Variants in PDE1A observed in about 807,000 individuals in gnomAD.
The protein encoded by PDE1A is dual specificity calcium/calmodulin-dependent 3',5'-cyclic nucleotide phosphodiesterase 1A.
PDE1A carries 35 observed loss-of-function variants against 61.7 expected under a neutral mutation model. The observed-to-expected ratio is 0.57, with a 90% CI of 0.43 to 0.75. PDE1A has a LOEUF of 0.75. PDE1A is among the 30% of genes least tolerant of loss of function. The pLI, the probability that PDE1A is intolerant of heterozygous loss-of-function variation, is 0.00. For synonymous variants in PDE1A, 232 were observed against 213.2 expected (o/e 1.09, Z -0.77); for missense variants, 597 against 630.6 (o/e 0.95, Z 0.57).
chr2:182,244,843 A>G (rs1864850), intron 2 of PDE1A, among the ~76,000 whole-genome samples: 109,234 of 152,132 alleles, frequency 0.72, 39,792 homozygotes, highest in African/African-American at 0.84. Context: ...AAAGAAGTGA[A>G]TCTGGGTATG....
intron 1 of PDE1A, among the ~76,000 whole-genome samples, chr2:182,375,099 G>A (rs1391620162): frequency 2.0e-5 from 3 of 152,158 alleles, no homozygotes; most frequent in African/African-American, 4.8e-5. Flanking sequence ...TGGGAATTAT[G>A]GGAGTACAAT....
chr2:182,597,108 T>C, the PDE1A span, among the ~76,000 whole-genome samples: 1 of 151,522 alleles, frequency 6.6e-6, no homozygotes, highest in Non-Finnish European at 1.5e-5. Flanking sequence ...GCCATGATCA[T>C]GCCACTGCAT....
At chr2:182,457,165 TA>T (rs1685980353) in intron 2 of PDE1A, among the ~76,000 whole-genome samples, 1 of 152,016 alleles carries the variant, frequency 6.6e-6, no homozygotes, top group South Asian at 2.1e-4. Context: ...ACTTTCTTAG[TA>T]GAGGAGAAAC....
upstream of PDE1A, among the ~76,000 whole-genome samples, chr2:182,524,182 G>C (rs931882587): frequency 7.2e-5 from 11 of 152,132 alleles, no homozygotes; most frequent in African/African-American, 2.7e-4. Context: ...CTATATTCAT[G>C]TAATAAACTG....
chr2:182,341,017 T>C (rs1478136451), intron 1 of PDE1A, among the ~76,000 whole-genome samples: 1 of 152,240 alleles, frequency 6.6e-6, no homozygotes, highest in Non-Finnish European at 1.5e-5. Context: ...AACTGTTTTC[T>C]AACATGCTCT....
the PDE1A span, among the ~76,000 whole-genome samples, chr2:182,568,474 C>G: frequency 6.6e-6 from 1 of 151,360 alleles, no homozygotes; most frequent in Non-Finnish European, 1.5e-5. Context: ...GACAGGAGAT[C>G]GAGACAGCGG....
At chr2:182,187,303 C>T (rs1685291078) in intron 11 of PDE1A, among the ~76,000 whole-genome samples, 2 of 152,276 alleles carry the variant, frequency 1.3e-5, no homozygotes, top group East Asian at 3.9e-4. Context: ...GAAAATGACA[C>T]ACAGAGAAAA....
chr2:182,271,893 CAAA>C (rs1553562169), intron 1 of PDE1A, among the ~76,000 whole-genome samples: 2 of 143,058 alleles, frequency 1.4e-5, no homozygotes, highest in African/African-American at 5.2e-5. Flanking sequence ...AAGAAACAAA[CAAA>C]AAACTTTGAG....
chr2:182,194,881 TCACACACACACA>T (rs55809632), intron 10 of PDE1A, among the ~76,000 whole-genome samples: 3,321 of 144,930 alleles, frequency 0.023, 134 homozygotes, highest in African/African-American at 0.078. Flanking sequence ...TCTGAAATAT[TCACACACACACA>T]CACACACACA....
At chr2:182,555,585 G>C in the PDE1A span, among the ~76,000 whole-genome samples, 3 of 152,130 alleles carry the variant, frequency 2.0e-5, no homozygotes, top group African/African-American at 7.2e-5. Context: ...TTTACACTGA[G>C]AAAATTTTGC....
chr2:182,493,814 C>A (rs1304988165), intron 2 of PDE1A, among the ~76,000 whole-genome samples: 1 of 152,140 alleles, frequency 6.6e-6, no homozygotes, highest in African/African-American at 2.4e-5. Context: ...TCTCAGCAAA[C>A]TGTTGCAAGG....
At chr2:182,325,577 A>AT (rs1343789479) in intron 1 of PDE1A, among the ~76,000 whole-genome samples, 2 of 152,158 alleles carry the variant, frequency 1.3e-5, no homozygotes, top group African/African-American at 4.8e-5. Flanking sequence ...TTAATAAGAG[A>AT]TTAAGATCCA....
chr2:182,210,122 G>C (rs1249733858), intron 7 of PDE1A, among the ~76,000 whole-genome samples: 1 of 152,190 alleles, frequency 6.6e-6, no homozygotes, highest in Non-Finnish European at 1.5e-5. Flanking sequence ...ATAAGTTTTT[G>C]TGTGAATGTG....
At chr2:182,283,472 A>G (rs569940288) in intron 1 of PDE1A, among the ~76,000 whole-genome samples, 5 of 152,058 alleles carry the variant, frequency 3.3e-5, no homozygotes, top group African/African-American at 1.2e-4. Flanking sequence ...ATTAAATGCT[A>G]TATAACACAA....
chr2:182,211,246 G>A (rs749925075), intron 7 of PDE1A, among the ~76,000 whole-genome samples: 11 of 152,140 alleles, frequency 7.2e-5, no homozygotes, highest in African/African-American at 2.4e-4. Flanking sequence ...ATGTTCAGTC[G>A]TGTTAGCACC....
intron 2 of PDE1A, among the ~76,000 whole-genome samples, chr2:182,515,543 A>G (rs1402682703): frequency 6.6e-6 from 1 of 152,226 alleles, no homozygotes; most frequent in Admixed American, 6.5e-5. Context: ...TGTTAGTTCT[A>G]TAAACTATAA....
At chr2:182,586,538 G>A in the PDE1A span, among the ~76,000 whole-genome samples, 1 of 152,084 alleles carries the variant, frequency 6.6e-6, no homozygotes, top group Non-Finnish European at 1.5e-5. Flanking sequence ...ATGTTACACT[G>A]CACATGGTAT....
the PDE1A span, among the ~76,000 whole-genome samples, chr2:182,597,534 A>T: frequency 6.6e-6 from 1 of 152,106 alleles, no homozygotes; most frequent in Non-Finnish European, 1.5e-5. Context: ...GGGTCCTGAG[A>T]GGTGTGGGGG....
the PDE1A span, among the ~76,000 whole-genome samples, chr2:182,650,708 ACT>A: frequency 1.3e-5 from 2 of 152,218 alleles, no homozygotes; most frequent in Non-Finnish European, 2.9e-5. Flanking sequence ...ACATATTGTA[ACT>A]CTAACTTTTT....
Sources: gnomAD v4.1 joint callset for allele counts (sites outside exome capture counted in the v4.1 genomes callset) on GRCh38, gnomAD v4.1.1 for gene constraint, MANE v1.5 for transcripts, NCBI Gene and HGNC (gene_info 2026-07-23, HGNC 2026-07-21) for gene names.